ZNF782: variants seen among roughly 807,000 people sequenced by gnomAD.
The protein encoded by ZNF782 is zinc finger protein 782.
Under a neutral mutation model 13.0 loss-of-function variants are expected in ZNF782, and 12 were observed. That is an observed-to-expected ratio of 0.92 (90% confidence interval 0.59 to 1.50). The LOEUF (loss-of-function observed/expected upper bound fraction) is 1.50, where lower values mean the gene tolerates loss of function less well. Among genes scored for constraint, ZNF782 ranks in the 40% most tolerant of loss-of-function variants. ZNF782 has a pLI of 0.00. For synonymous variants in ZNF782, 284 were observed against 283.0 expected (o/e 1.00, Z -0.04); for missense variants, 770 against 822.9 (o/e 0.94, Z 0.79).
chr9:96,931,357 T>C, the ZNF782 span, among the ~76,000 whole-genome samples: 1 of 151,850 alleles, frequency 6.6e-6, no homozygotes, highest in Admixed American at 6.6e-5. Flanking sequence ...CCTCACCTGC[T>C]GCTGAGCACA....
intron 4 of ZNF782, among the ~76,000 whole-genome samples, chr9:96,842,567 A>C (rs1402670842): frequency 6.6e-6 from 1 of 152,034 alleles, no homozygotes; most frequent in Non-Finnish European, 1.5e-5. Flanking sequence ...CCTATACAAA[A>C]ATTTACTCAA....
chr9:96,913,014 T>C, the ZNF782 span, among the ~76,000 whole-genome samples: 2 of 151,778 alleles, frequency 1.3e-5, no homozygotes, highest in African/African-American at 4.8e-5. Context: ...AGGTTATTGG[T>C]ATTTAAAATC....
chr9:96,910,823 A>G, the ZNF782 span, among the ~76,000 whole-genome samples: 1 of 149,266 alleles, frequency 6.7e-6, no homozygotes, highest in African/African-American at 2.4e-5. Context: ...TTTTTAGCAG[A>G]GATGGGGTTT....
the ZNF782 span, among the ~76,000 whole-genome samples, chr9:96,921,190 A>C: frequency 6.7e-6 from 1 of 148,572 alleles, no homozygotes; most frequent in Non-Finnish European, 1.5e-5. Flanking sequence ...TTTTTTTTAT[A>C]GTATGGTCTA....
At chr9:96,911,526 G>GTTTTTTTTTTT in the ZNF782 span, among the ~76,000 whole-genome samples, 2 of 83,608 alleles carry the variant, frequency 2.4e-5, no homozygotes, top group Admixed American at 1.3e-4. Flanking sequence ...GTTTTGTTTT[G>GTTTTTTTTTTT]TTTTTTTTTT....
chr9:96,827,733 C>CATA (rs1292552834), intron 4 of ZNF782, among the ~76,000 whole-genome samples: 1 of 152,194 alleles, frequency 6.6e-6, no homozygotes, highest in Admixed American at 6.5e-5. Flanking sequence ...ACTTCCATAT[C>CATA]TGGCTGTAAC....
In ZNF782 at chr9:96,864,992, G is replaced by C. The variant is rs551069276; in HGVS notation, c.-456-3389C>G. Among the ~76,000 whole-genome samples the C allele has an allele frequency of 2.6e-5, 4 of 152,078 alleles. No homozygotes were observed. The East Asian group carries it at 7.7e-4, about 29-fold the overall frequency. ...GGCTGGGAGTTTGAGTCTGCTGTGA[G>C]CTAGGATCATGCCACTGCACTTTAG... On this transcript the variant is annotated intron_variant, in intron 1 of 5. Coordinates refer to the ZNF782 transcript ENST00000498811.
chr9:96,930,895 TTTTTTTTTTTTTTTTTTG>T, the ZNF782 span, among the ~76,000 whole-genome samples: 2 of 84,624 alleles, frequency 2.4e-5, no homozygotes, highest in African/African-American at 1.4e-4. Flanking sequence ...TTTTTTTTTT[TTTTTTTTTTTTTTTTTTG>T]AGACGGAGTC....
chr9:96,905,827 AC>A, the ZNF782 span, among the ~76,000 whole-genome samples: 1 of 151,814 alleles, frequency 6.6e-6, no homozygotes, highest in Non-Finnish European at 1.5e-5. Context: ...CTCATGATCC[AC>A]CCGCCTCGGC....
At chr9:96,845,603 G>A (rs914078834) in intron 3 of ZNF782, among the ~76,000 whole-genome samples, 1 of 152,122 alleles carries the variant, frequency 6.6e-6, no homozygotes, top group East Asian at 1.9e-4. Context: ...TTATTATCTC[G>A]TGCAGCTGTA....
chr9:96,872,717 G>A (rs10120814), intron 1 of ZNF782, among the ~76,000 whole-genome samples: 4,284 of 152,016 alleles, frequency 0.028, 203 homozygotes, highest in African/African-American at 0.096. Context: ...TGTTTTTTCT[G>A]GCTTAAGCTC....
the ZNF782 span, among the ~76,000 whole-genome samples, chr9:96,917,751 G>T: frequency 1.3e-5 from 2 of 151,396 alleles, no homozygotes; most frequent in African/African-American, 2.4e-5. Flanking sequence ...TTTAGACAGG[G>T]TCTCACTCTT....
Position 96,828,492 on chromosome 9 carries a change from C to G in ZNF782, c.143-1311G>C, listed in dbSNP as rs139793148. On this transcript the variant is annotated intron_variant, in intron 4 of 5. Transcript: ENST00000481138. ...CTAGGTATGAACAGAAGCAGTGATA[C>G]AAGACTCTTATCAAGGAGAAAAATC... Among the ~76,000 whole-genome samples, 10 of 152,276 alleles carry G rather than the reference C, an allele frequency of 6.6e-5. 1 individual carries two copies. Among genetic ancestry groups the G allele is most frequent in the African/African-American group, 2.4e-4 (10 of 41,562 alleles).
the ZNF782 span, among the ~76,000 whole-genome samples, chr9:96,907,181 G>C: frequency 6.6e-6 from 1 of 152,158 alleles, no homozygotes; most frequent in Admixed American, 6.5e-5. Flanking sequence ...ATATTATTCA[G>C]TGTTAAAAAG....
chr9:96,915,341 A>G, the ZNF782 span, among the ~76,000 whole-genome samples: 2 of 151,884 alleles, frequency 1.3e-5, no homozygotes, highest in African/African-American at 2.4e-5. Flanking sequence ...GCACGTACAC[A>G]GGGTAGAGCT....
intron 4 of ZNF782, among the ~76,000 whole-genome samples, chr9:96,842,432 T>C (rs886508772): frequency 2.6e-5 from 4 of 151,998 alleles, no homozygotes; most frequent in Non-Finnish European, 5.9e-5. Flanking sequence ...CTCATACAAG[T>C]ACAGCCAACT....
chr9:96,894,753 G>C, the ZNF782 span: 1 of 152,044 alleles, frequency 6.6e-6, no homozygotes, highest in African/African-American at 2.4e-5. Flanking sequence ...TTTAGAGTCA[G>C]GGCTCACTCT....
At chr9:96,927,465 C>T in the ZNF782 span, among the ~76,000 whole-genome samples, 1 of 151,932 alleles carries the variant, frequency 6.6e-6, no homozygotes. Flanking sequence ...TTCCTTTCAT[C>T]AAATCAGCCT....
the ZNF782 span, among the ~76,000 whole-genome samples, chr9:96,905,145 G>A: frequency 2.2e-5 from 3 of 133,746 alleles, no homozygotes; most frequent in Middle Eastern, 3.2e-3. Context: ...ATTCCCAGGA[G>A]GTTGGGCATT....
Sources: allele counts gnomAD v4.1 joint callset (sites outside exome capture counted in the v4.1 genomes callset), GRCh38; gene constraint gnomAD v4.1.1; transcripts MANE v1.5; gene names NCBI Gene and HGNC (gene_info 2026-07-23, HGNC 2026-07-21).